Variants in SMG7 observed in about 807,000 individuals in gnomAD.
SMG7 encodes the protein nonsense-mediated mRNA decay factor SMG7.
A neutral mutation model predicts 148.2 loss-of-function variants in SMG7; 34 were observed. The ratio of observed to expected loss-of-function variants is 0.23; its 90% confidence interval spans 0.17 to 0.31. The LOEUF is 0.31. Ranked by LOEUF, SMG7 falls within the 10% of genes least tolerant of loss-of-function variation. The probability of loss-of-function intolerance (pLI) is 1.00; values close to 1 mark genes in which losing one functional copy is unlikely to be tolerated. For synonymous variants in SMG7, 492 were observed against 515.1 expected (o/e 0.96, Z 0.61); for missense variants, 1,114 against 1,408.4 (o/e 0.79, Z 3.35).
Position 183,533,825 on chromosome 1 carries a change from A to T in SMG7, c.1156A>T (p.Arg386Ter). 6.2e-7 allele frequency: 1 copy of T among 1,605,808 alleles called. No individual in the cohort carries two copies. Among genetic ancestry groups the T allele is most frequent in the Non-Finnish European group, 8.5e-7 (1 of 1,175,018 alleles). ...RVFQEAVVDE[R>*]QYIWPWLISL... ...CTTTCAGGAGGCAGTGGTGGATGAA[A>T]GACAGTAGTAAGTATTTTTAGAATT... The change falls in exon 10 of 23, where the codon AGA (arginine) becomes TGA (stop). Residue 386 changes from arginine to a stop codon, truncating the protein, a stop_gained. Transcript: ENST00000688051. LOFTEE classifies it high-confidence loss of function.
chr1:183,504,244 T>C (rs1660397282), intron 1 of SMG7, among the ~76,000 whole-genome samples: 5 of 152,218 alleles, frequency 3.3e-5, no homozygotes, highest in Admixed American at 2.0e-4. Context: ...AATTGACTTA[T>C]TTTAATTTGT....
chr1:183,530,104 A>C (rs1057479969), intron 8 of SMG7, among the ~76,000 whole-genome samples: 2 of 152,218 alleles, frequency 1.3e-5, no homozygotes, highest in Non-Finnish European at 2.9e-5. Context: ...GGAGAAAGTC[A>C]AAAGTATTAA....
chr1:183,514,804 G>A (rs1571932201), intron 2 of SMG7, among the ~76,000 whole-genome samples: 1 of 152,274 alleles, frequency 6.6e-6, no homozygotes, highest in South Asian at 2.1e-4. Context: ...ATTTAACTAG[G>A]GATGAGGAGC....
chr1:183,488,682 C>CT (rs55662555), intron 1 of SMG7, among the ~76,000 whole-genome samples: 10,479 of 74,936 alleles, frequency 0.14, 1,054 homozygotes, highest in Middle Eastern at 0.23. Flanking sequence ...GTTTATAAGG[C>CT]TTTTTTTTTT....
At chr1:183,480,646 A>G (rs887970113) in intron 1 of SMG7, among the ~76,000 whole-genome samples, 3 of 152,164 alleles carry the variant, frequency 2.0e-5, no homozygotes, top group Non-Finnish European at 4.4e-5. Context: ...AAGTAGTTTC[A>G]CTGGGCATAC....
chr1:183,513,262 T>A (rs1252381691), intron 2 of SMG7: 1 of 162,046 alleles, frequency 6.2e-6, no homozygotes, highest in Non-Finnish European at 1.3e-5. Context: ...TAACCAAACT[T>A]TAGTAGGTAA....
intron 1 of SMG7, among the ~76,000 whole-genome samples, chr1:183,512,215 GAACAGTCCTT>G (rs1343686223): frequency 6.6e-6 from 1 of 152,152 alleles, no homozygotes; most frequent in African/African-American, 2.4e-5. Flanking sequence ...TAAATCAAAG[GAACAGTCCTT>G]AAGAAGGGTT....
chr1:183,489,252 A>G (rs1380065142), intron 1 of SMG7, among the ~76,000 whole-genome samples: 1 of 152,186 alleles, frequency 6.6e-6, no homozygotes, highest in Non-Finnish European at 1.5e-5. Flanking sequence ...GTAAGATACT[A>G]AAAAGCTAGC....
At chr1:183,511,152 A>AG (rs1431878964) in intron 1 of SMG7, among the ~76,000 whole-genome samples, 1 of 151,944 alleles carries the variant, frequency 6.6e-6, no homozygotes, top group African/African-American at 2.4e-5. Context: ...AAAAAAAAAA[A>AG]TCTCTCTTAA....
In SMG7 at chr1:183,533,266, G is replaced by A. The variant is rs114901535; in HGVS notation, c.946G>A (p.Glu316Lys). The change falls in exon 9 of 23, where the codon GAG (glutamate) becomes AAG (lysine). Residue 316 changes from glutamate to lysine, a missense_variant. Physicochemically the swap from Glu to Lys is moderately conservative, Grantham distance 56. Coordinates refer to ENST00000688051, the MANE Select transcript of SMG7 (RefSeq NM_001375584.1). ...HHLRDFSNETEQHTYSQDEQL... is the reference protein window; with the variant it reads ...HHLRDFSNETKQHTYSQDEQL... ...CCTTCGTGACTTTAGCAATGAAACC[G>A]AGCAGCACACTTATAGCCAAGATGA... The A allele has an allele frequency of 1.2e-5, 20 of 1,613,940 alleles. No homozygotes were observed. Among genetic ancestry groups the A allele is most frequent in the South Asian group, 2.2e-5 (2 of 91,070 alleles).
intron 1 of SMG7, among the ~76,000 whole-genome samples, chr1:183,493,928 G>A (rs1049127199): frequency 1.3e-5 from 2 of 151,876 alleles, no homozygotes; most frequent in East Asian, 1.9e-4. Flanking sequence ...AGAGAGTTTT[G>A]GAATCTCCAA....
At chr1:183,472,954 G>T in intron 1 of SMG7, 1 of 345,906 alleles carries the variant, frequency 2.9e-6, no homozygotes, top group Non-Finnish European at 5.2e-6. Flanking sequence ...GGGGTGGAGA[G>T]AAACGTCCGG....
chr1:183,479,576 G>A (rs537067499), intron 1 of SMG7, among the ~76,000 whole-genome samples: 6 of 152,218 alleles, frequency 3.9e-5, no homozygotes, highest in African/African-American at 1.2e-4. Flanking sequence ...GGTAGTAATA[G>A]GCTAGTTACC....
chr1:183,498,374 C>G (rs185827742), intron 1 of SMG7, among the ~76,000 whole-genome samples: 1 of 152,064 alleles, frequency 6.6e-6, no homozygotes, highest in African/African-American at 2.4e-5. Context: ...ACTGCAGATA[C>G]AAAAATTAGC....
rs1671414122 is a variant in SMG7 at position 183,553,616 on chromosome 1, C to CCCA, written c.*1685_*1686insCCA. The CCCA allele has an allele frequency of 6.4e-6, 1 of 156,484 alleles. No individual in the cohort carries two copies. Among genetic ancestry groups the CCCA allele is most frequent in the Non-Finnish European group, 1.4e-5 (1 of 72,036 alleles). The allele number at this position is 156,484 out of a possible 1,614,324, so 9.7% of individuals were successfully genotyped here. On this transcript the variant is annotated 3_prime_UTR_variant, in exon 23 of 23. Transcript: ENST00000688051. Reference sequence around the variant, plus strand: ...CAGAGAGAGTGGTTGGAGCCCCCCCCGCCCCGTATGCTTACATTATTGCTC... The same window carrying CCCA: ...CAGAGAGAGTGGTTGGAGCCCCCCCCCCAGCCCCGTATGCTTACATTATTGCTC...
In SMG7 at chr1:183,542,208, T is replaced by C; in HGVS notation, c.1548T>C (p.Ala516=). The C allele has an allele frequency of 6.2e-7, 1 of 1,614,156 alleles. No individual in the cohort carries two copies. Among genetic ancestry groups the C allele is most frequent in the Non-Finnish European group, 8.5e-7 (1 of 1,180,010 alleles). The part of the protein sequence containing the change: ...LQETSVIESL[A]ADGSPGLKSV... Reference sequence around the variant, plus strand: ...AAACATCTGTGATAGAGTCGCTGGCTGCAGATGGGAGCCCAGGGCTAAAAT... The same window carrying C: ...AAACATCTGTGATAGAGTCGCTGGCCGCAGATGGGAGCCCAGGGCTAAAAT... The change falls in exon 14 of 23, where the codon GCT becomes GCC. Residue 516 remains alanine (A), a synonymous_variant. Transcript: ENST00000688051.
chr1:183,519,966 G>A (rs927186685), intron 4 of SMG7, among the ~76,000 whole-genome samples: 2 of 151,202 alleles, frequency 1.3e-5, no homozygotes, highest in South Asian at 4.1e-4. Flanking sequence ...TTTTTCACTA[G>A]TTTCTTCTGT....
chr1:183,472,766 CG>C (rs759221294), intron 1 of SMG7, 117 bp downstream of exon 1: 29 of 961,802 alleles, frequency 3.0e-5, no homozygotes, highest in Non-Finnish European at 4.0e-5. Flanking sequence ...CTCTCCTCGC[CG>C]GGCAGGTCGG....
In SMG7 at chr1:183,533,815, G is replaced by C. The variant is rs1445664795; in HGVS notation, c.1146G>C (p.Val382=). 2 of 1,610,120 alleles carry C rather than the reference G, an allele frequency of 1.2e-6. No homozygotes were observed. Among genetic ancestry groups the C allele is most frequent in the Non-Finnish European group, 1.7e-6 (2 of 1,177,762 alleles). The change falls in exon 10 of 23, where the codon GTG becomes GTC. Residue 382 remains valine (V), a synonymous_variant. Coordinates refer to ENST00000688051, the MANE Select transcript of SMG7 (RefSeq NM_001375584.1). The part of the protein sequence containing the change: ...RLRPRVFQEA[V]VDERQYIWPW... ...GACCCAGGGTCTTTCAGGAGGCAGTGGTGGATGAAAGACAGTAGTAAGTAT... is the reference window on the plus strand; with the variant it reads ...GACCCAGGGTCTTTCAGGAGGCAGTCGTGGATGAAAGACAGTAGTAAGTAT...
Sources: allele counts gnomAD v4.1 joint callset (sites outside exome capture counted in the v4.1 genomes callset), GRCh38; gene constraint gnomAD v4.1.1; transcripts MANE v1.5; gene names NCBI Gene and HGNC (gene_info 2026-07-23, HGNC 2026-07-21).